The following TMEM45A variants were observed in gnomAD, a reference collection of about 807,000 sequenced individuals.
The protein encoded by TMEM45A is transmembrane protein 45A.
TMEM45A carries 25 observed loss-of-function variants against 32.0 expected under a neutral mutation model. The ratio of observed to expected loss-of-function variants is 0.78; its 90% CI spans 0.57 to 1.09. The LOEUF is 1.09. TMEM45A is among the 50% of genes least tolerant of loss of function. TMEM45A has a pLI of 0.00. For missense variants in TMEM45A, 302 were observed against 325.0 expected, an observed-to-expected ratio of 0.93 and a Z score of 0.54; for synonymous variants, 122 against 114.8, an observed-to-expected ratio of 1.06 and a Z score of -0.40.
chr3:100,559,517 TC>T (rs1706287032), intron 4 of TMEM45A, among the ~76,000 whole-genome samples: 1 of 152,124 alleles, frequency 6.6e-6, no homozygotes, highest in African/African-American at 2.4e-5. Flanking sequence ...AGGGGCTAGA[TC>T]CAAGGGTTAT....
chr3:100,568,880 A>C lies in TMEM45A; in HGVS notation c.647A>C (p.Glu216Ala), dbSNP rs150599068. 311 of 1,613,864 alleles carry C rather than the reference A, an allele frequency of 1.9e-4. No homozygotes were observed. The highest frequency in any genetic ancestry group is 2.5e-4 in the Non-Finnish European group (294 of 1,179,900). ...CCTGCATGGGATCTGATGGATCATG[A>C]AAATATTTTGTTTCTCACCATATGC... ...GGPAWDLMDH[E>A]NILFLTICFC... The change falls in exon 5 of 6, where the codon GAA becomes GCA. Residue 216 changes from glutamate (E) to alanine (A), a missense_variant. Transcript: ENST00000323523.
Position 100,556,879 on chromosome 3 carries a change from C to A in TMEM45A, c.310C>A (p.Leu104Met), listed in dbSNP as rs758872659. 6.2e-7 allele frequency: 1 copy of A among 1,614,154 alleles called. No homozygotes were observed. ...TTTCACCATGTATTTCTTCTTTGGG[C>A]TGTTGGGTGTGGCAGATATCTTATG... is the stretch of plus-strand genomic sequence containing the variant. ...HHFTMYFFFG[L>M]LGVADILCFT... The change falls in exon 3 of 6, where the codon CTG becomes ATG. Residue 104 changes from leucine (L) to methionine (M), a missense_variant. Transcript: ENST00000323523.
chr3:100,560,662 C>T (rs1438197423), intron 4 of TMEM45A, among the ~76,000 whole-genome samples: 1 of 152,002 alleles, frequency 6.6e-6, no homozygotes, highest in African/African-American at 2.4e-5. Flanking sequence ...AAAGTATATC[C>T]TCTGTTTGGT....
At chr3:100,521,493 T>C (rs1169964483) in intron 1 of TMEM45A, among the ~76,000 whole-genome samples, 1 of 152,218 alleles carries the variant, frequency 6.6e-6, no homozygotes, top group East Asian at 1.9e-4. Context: ...CCTCAGGTGA[T>C]CTGCCCGCCT....
intron 4 of TMEM45A, among the ~76,000 whole-genome samples, chr3:100,567,319 C>T (rs967503991): frequency 3.3e-5 from 5 of 151,860 alleles, no homozygotes; most frequent in African/African-American, 1.2e-4. Context: ...TGACCTCAGA[C>T]ATATGAGTTT....
intron 1 of TMEM45A, among the ~76,000 whole-genome samples, chr3:100,549,777 T>C (rs887083079): frequency 2.0e-5 from 3 of 151,960 alleles, no homozygotes; most frequent in Non-Finnish European, 4.4e-5. Context: ...GTCCATGTGA[T>C]CTCATTGTTC....
intron 1 of TMEM45A, among the ~76,000 whole-genome samples, chr3:100,528,291 G>A (rs117493189): frequency 6.6e-6 from 1 of 152,168 alleles, no homozygotes; most frequent in Non-Finnish European, 1.5e-5. Context: ...CTCTATATTT[G>A]GTTTTCCCAG....
intron 5 of TMEM45A, chr3:100,571,365 A>AC (rs1553685994): frequency 6.6e-6 from 1 of 151,466 alleles, no homozygotes; most frequent in Non-Finnish European, 1.5e-5. Flanking sequence ...CTTTTTTTTA[A>AC]TTTTTTTTGC....
At chr3:100,547,328 G>T (rs961599531) in intron 1 of TMEM45A, among the ~76,000 whole-genome samples, 3 of 151,926 alleles carry the variant, frequency 2.0e-5, no homozygotes, top group African/African-American at 7.3e-5. Context: ...CAACATGTTG[G>T]TCAGGCTGGT....
rs1707863631 is a variant in TMEM45A at position 100,492,717 on chromosome 3, T to C, written c.-215T>C. On this transcript the variant is annotated 5_prime_UTR_variant, in exon 1 of 6. Coordinates refer to ENST00000323523, the MANE Select transcript of TMEM45A (RefSeq NM_018004.3). Reference sequence around the variant, plus strand: ...TTCTCGCCACTTATTATTTATTCGTTTTCCCAAAGAAGCGACTAGGGACCC... The same window carrying C: ...TTCTCGCCACTTATTATTTATTCGTCTTCCCAAAGAAGCGACTAGGGACCC... 1 of 152,116 alleles carries C rather than the reference T, an allele frequency of 6.6e-6. No homozygotes were observed. The highest frequency in any genetic ancestry group is 6.5e-5 in the Admixed American group (1 of 15,270). 9.4% of individuals were successfully genotyped at this position (152,116 alleles called of 1,614,324 possible). A position where few individuals can be genotyped will look rare whatever the true frequency, so the allele number is the denominator to read the frequency against.
chr3:100,524,400 A>G (rs1457378373), intron 1 of TMEM45A, among the ~76,000 whole-genome samples: 1 of 152,032 alleles, frequency 6.6e-6, no homozygotes, highest in African/African-American at 2.4e-5. Flanking sequence ...ACAGATGTTA[A>G]TTTCTTTTTC....
At chr3:100,550,604 C>A (rs1338392696) in intron 1 of TMEM45A, among the ~76,000 whole-genome samples, 1 of 152,192 alleles carries the variant, frequency 6.6e-6, no homozygotes, top group African/African-American at 2.4e-5. Flanking sequence ...TTCCACCAAG[C>A]AAACCATTGC....
At chr3:100,509,573 G>A (rs1039058904) in intron 1 of TMEM45A, among the ~76,000 whole-genome samples, 29 of 152,322 alleles carry the variant, frequency 1.9e-4, no homozygotes, top group African/African-American at 6.5e-4. Flanking sequence ...TAAAGAAAAT[G>A]TGGTATATAG....
At chr3:100,522,604 A>C (rs184441962) in intron 1 of TMEM45A, among the ~76,000 whole-genome samples, 1 of 152,274 alleles carries the variant, frequency 6.6e-6, no homozygotes, top group Admixed American at 6.5e-5. Context: ...TGGACATGAC[A>C]TGATTTATGT....
chr3:100,567,027 T>C (rs1706455422), intron 4 of TMEM45A, among the ~76,000 whole-genome samples: 1 of 152,116 alleles, frequency 6.6e-6, no homozygotes, highest in African/African-American at 2.4e-5. Context: ...TTGATGGTGC[T>C]TTTGGTGTCG....
intron 1 of TMEM45A, among the ~76,000 whole-genome samples, chr3:100,553,214 GC>G (rs1200140719): frequency 6.6e-6 from 1 of 152,146 alleles, no homozygotes; most frequent in African/African-American, 2.4e-5. Flanking sequence ...TAAGTAACTT[GC>G]CCAAAGTTAT....
intron 1 of TMEM45A, among the ~76,000 whole-genome samples, chr3:100,536,378 T>C (rs1002706469): frequency 6.6e-6 from 1 of 152,210 alleles, no homozygotes; most frequent in African/African-American, 2.4e-5. Flanking sequence ...ACTGCTGGTG[T>C]GAGTGCCACA....
At chr3:100,575,758 C>G (rs1021017870) in intron 5 of TMEM45A, among the ~76,000 whole-genome samples, 1 of 152,208 alleles carries the variant, frequency 6.6e-6, no homozygotes, top group African/African-American at 2.4e-5. Context: ...GCATCACATG[C>G]AGTTGAACAG....
At chr3:100,519,633 C>T (rs895296286) in intron 1 of TMEM45A, 9 of 1,550,046 alleles carry the variant, frequency 5.8e-6, no homozygotes, top group South Asian at 3.6e-5. Flanking sequence ...TCTGCAGTAA[C>T]CTTTGGTGTG....
Sources: gnomAD v4.1 joint callset for allele counts (sites outside exome capture counted in the v4.1 genomes callset) on GRCh38, gnomAD v4.1.1 for gene constraint, MANE v1.5 for transcripts, NCBI Gene and HGNC (gene_info 2026-07-23, HGNC 2026-07-21) for gene names.